RALGAPA2: variants seen among roughly 807,000 people sequenced by gnomAD.
RALGAPA2 encodes ral GTPase-activating protein subunit alpha-2.
Under a neutral mutation model 230.4 loss-of-function variants are expected in RALGAPA2, and 139 were observed. The observed-to-expected ratio is 0.60, with a 90% confidence interval of 0.53 to 0.69. RALGAPA2 has a LOEUF of 0.69. RALGAPA2 is among the 30% of genes least tolerant of loss of function. RALGAPA2 has a pLI of 0.00. For synonymous variants in RALGAPA2, 847 were observed against 837.8 expected, an observed-to-expected ratio of 1.01 and a Z score of -0.19; for missense variants, 2,163 against 2,276.0, an observed-to-expected ratio of 0.95 and a Z score of 1.01.
intron 37 of RALGAPA2, among the ~76,000 whole-genome samples, chr20:20,438,434 T>C (rs1166384052): frequency 6.6e-6 from 1 of 152,230 alleles, no homozygotes; most frequent in Non-Finnish European, 1.5e-5. Flanking sequence ...ACAAACATTC[T>C]GAGAAGTGCA....
intron 31 of RALGAPA2, 42 bp from the exon 32 acceptor site, chr20:20,513,326 T>A (rs1291589902): frequency 3.7e-6 from 5 of 1,338,922 alleles, no homozygotes; most frequent in Admixed American, 6.1e-5. Flanking sequence ...CAGTGGTGAA[T>A]GAAGATTAAA....
chr20:20,576,739 G>T (rs926308920), intron 20 of RALGAPA2, among the ~76,000 whole-genome samples: 1 of 151,904 alleles, frequency 6.6e-6, no homozygotes, highest in African/African-American at 2.4e-5. Context: ...TTACATGAAG[G>T]TTTAGTAAAG....
chr20:20,428,426 C>T (rs1025929794), intron 37 of RALGAPA2, among the ~76,000 whole-genome samples: 7 of 152,158 alleles, frequency 4.6e-5, no homozygotes, highest in African/African-American at 1.2e-4. Flanking sequence ...AAATTGAATT[C>T]GGTACGTCTT....
At chr20:20,444,643 A>G (rs1311027777) in intron 37 of RALGAPA2, among the ~76,000 whole-genome samples, 1 of 152,216 alleles carries the variant, frequency 6.6e-6, no homozygotes, top group African/African-American at 2.4e-5. Flanking sequence ...CCTAGCAAAT[A>G]CTGTCAGTTT....
chr20:20,553,517 A>C (rs780015582), intron 23 of RALGAPA2, among the ~76,000 whole-genome samples: 1 of 152,160 alleles, frequency 6.6e-6, no homozygotes, highest in Non-Finnish European at 1.5e-5. Flanking sequence ...GTAAGACTGC[A>C]TTCCAGCCCA....
At chr20:20,626,127 C>A (rs541092037) in intron 10 of RALGAPA2, among the ~76,000 whole-genome samples, 1 of 152,270 alleles carries the variant, frequency 6.6e-6, no homozygotes, top group South Asian at 2.1e-4. Flanking sequence ...TCTTGAACAT[C>A]CATTTTAAAC....
intron 33 of RALGAPA2, 105 bp downstream of exon 33, chr20:20,511,149 C>T (rs1007469186): frequency 1.3e-6 from 2 of 1,502,536 alleles, no homozygotes; most frequent in Admixed American, 2.6e-5. Flanking sequence ...TACAGAACTA[C>T]CCTTGGATGT....
At chr20:20,473,826 T>C (rs976067889) in intron 36 of RALGAPA2, among the ~76,000 whole-genome samples, 1 of 152,226 alleles carries the variant, frequency 6.6e-6, no homozygotes, top group Non-Finnish European at 1.5e-5. Flanking sequence ...TCACAATTCT[T>C]ACATGAGCTC....
chr20:20,538,528 A>G (rs1463261958), intron 24 of RALGAPA2, among the ~76,000 whole-genome samples: 1 of 152,258 alleles, frequency 6.6e-6, no homozygotes, highest in Non-Finnish European at 1.5e-5. Context: ...TTGGCTAAGC[A>G]CAATTAAACA....
At chr20:20,537,965 C>G (rs1320572641) in intron 24 of RALGAPA2, among the ~76,000 whole-genome samples, 1 of 152,188 alleles carries the variant, frequency 6.6e-6, no homozygotes, top group Admixed American at 6.5e-5. Flanking sequence ...GTGATGCACC[C>G]TGGATTTGAA....
chr20:20,618,584 C>T (rs891746212), intron 12 of RALGAPA2, among the ~76,000 whole-genome samples: 2 of 152,066 alleles, frequency 1.3e-5, no homozygotes, highest in African/African-American at 2.4e-5. Context: ...CACACCTGGC[C>T]TCTACATGAG....
At chr20:20,470,717 A>T (rs188816672) in intron 37 of RALGAPA2, among the ~76,000 whole-genome samples, 381 of 152,334 alleles carry the variant, frequency 2.5e-3, no homozygotes, top group Admixed American at 4.3e-3. Context: ...ATTTGTCTGC[A>T]ATCTCTCAAC....
At chr20:20,593,186 G>A (rs1160540868) in intron 16 of RALGAPA2, among the ~76,000 whole-genome samples, 1 of 152,222 alleles carries the variant, frequency 6.6e-6, no homozygotes, top group Non-Finnish European at 1.5e-5. Context: ...TGCAGGCGTG[G>A]GCCATGGTGC....
chr20:20,642,353 G>A (rs2067070908), intron 5 of RALGAPA2, among the ~76,000 whole-genome samples: 2 of 151,986 alleles, frequency 1.3e-5, no homozygotes, highest in Non-Finnish European at 2.9e-5. Context: ...TGAGACTATA[G>A]GCGTATGCCA....
intron 36 of RALGAPA2, among the ~76,000 whole-genome samples, chr20:20,492,104 C>T (rs909401536): frequency 9.2e-5 from 14 of 151,996 alleles, no homozygotes; most frequent in African/African-American, 3.4e-4. Context: ...TACAAATAGC[C>T]CTACATTATT....
In RALGAPA2 at chr20:20,535,730, T is replaced by G; in HGVS notation, c.3473+15A>C. On this transcript the variant is annotated intron_variant, in intron 26 of 39. Coordinates refer to ENST00000202677, the MANE Select transcript of RALGAPA2 (RefSeq NM_020343.4). ...TTAAAATTCTAAAATAGTTTACCTC[T>G]TATTCAACATTTACCTTGCATATTC... 2 of 1,544,976 alleles carry G rather than the reference T, an allele frequency of 1.3e-6. No homozygotes were observed. The highest frequency in any genetic ancestry group is 2.7e-5 in the African/African-American group (2 of 72,874).
At chr20:20,660,455 T>C (rs2067737278) in intron 3 of RALGAPA2, among the ~76,000 whole-genome samples, 1 of 152,086 alleles carries the variant, frequency 6.6e-6, no homozygotes, top group South Asian at 2.1e-4. Flanking sequence ...CTAGTTAACA[T>C]GTAGGTATCA....
chr20:20,609,094 C>G (rs2065904929), intron 14 of RALGAPA2, among the ~76,000 whole-genome samples: 1 of 152,172 alleles, frequency 6.6e-6, no homozygotes, highest in Non-Finnish European at 1.5e-5. Flanking sequence ...CTCCCGGGTT[C>G]AAGCAATCTT....
chr20:20,440,851 T>A (rs556442187), intron 37 of RALGAPA2, among the ~76,000 whole-genome samples: 2 of 152,314 alleles, frequency 1.3e-5, no homozygotes, highest in African/African-American at 4.8e-5. Context: ...CCCGGGAAAA[T>A]CAGTTATTCA....
Sources: gnomAD v4.1 joint callset for allele counts (sites outside exome capture counted in the v4.1 genomes callset) on GRCh38, gnomAD v4.1.1 for gene constraint, MANE v1.5 for transcripts, NCBI Gene and HGNC (gene_info 2026-07-23, HGNC 2026-07-21) for gene names.